SPRING1: variants seen among roughly 807,000 people sequenced by gnomAD.
The protein encoded by SPRING1 is SREBF pathway regulator in golgi 1, also known as SREBP regulating gene protein.
SPRING1 carries 14 observed loss-of-function variants against 24.7 expected under a neutral mutation model. That is an observed-to-expected ratio of 0.57 (90% CI 0.37 to 0.88). The LOEUF is 0.88. Among genes scored for constraint, SPRING1 ranks in the 40% least tolerant of loss-of-function variants. The pLI, the probability that SPRING1 is intolerant of heterozygous loss-of-function variation, is 0.00. For missense variants in SPRING1, 255 were observed against 268.4 expected (o/e 0.95, Z 0.35); for synonymous variants, 93 against 106.1 (o/e 0.88, Z 0.76).
At chr12:116,719,983 AGAG>A in intron 3 of SPRING1, 107 bp from the exon 4 acceptor site, 1 of 995,006 alleles carries the variant, frequency 1.0e-6, no homozygotes, top group Non-Finnish European at 1.5e-6. Context: ...GAAGGGGGGA[AGAG>A]GAGGAGAAAA....
chr12:116,736,268 T>C (rs71469776), intron 1 of SPRING1, among the ~76,000 whole-genome samples: 10,117 of 152,028 alleles, frequency 0.067, 575 homozygotes, highest in African/African-American at 0.15. Flanking sequence ...CTGAGTCAGA[T>C]AGAGAGGAAG....
At position 116,716,145 on chromosome 12, in the gene SPRING1, C is replaced by T. The variant is rs1020104858; in HGVS notation, c.*1665G>A. 2.6e-5 allele frequency: 4 copies of T among 152,082 alleles called. No individual in the cohort carries two copies. The East Asian group carries it at 5.8e-4, about 22-fold the overall frequency. The allele number at this position is 152,082 out of a possible 1,614,324, so 9.4% of individuals were successfully genotyped here. A position where few individuals can be genotyped will look rare whatever the true frequency, so the allele number is the denominator to read the frequency against. ...AGTCCTGCTGCAAACACATGGAATC[C>T]GAGAAGTCCAATGCAAACGGAATAG... On this transcript the variant is annotated 3_prime_UTR_variant, in exon 5 of 5. Transcript: ENST00000261318.
rs1870099245 is a variant in SPRING1 at position 116,715,763 on chromosome 12, C to G, written c.*2047G>C. 1.3e-5 allele frequency: 2 copies of G among 152,152 alleles called. No homozygotes were observed. The highest frequency in any genetic ancestry group is 2.4e-5 in the African/African-American group (1 of 41,414). 9.4% of individuals were successfully genotyped at this position (152,152 alleles called of 1,614,324 possible). On this transcript the variant is annotated 3_prime_UTR_variant, in exon 5 of 5. Transcript: ENST00000261318. The stretch of plus-strand genomic sequence containing the variant: ...CTGTCACTAAGTCTCAGCGGGGACC[C>G]AGGAAGTCACTCCACCTCTCATAGT...
intron 1 of SPRING1, among the ~76,000 whole-genome samples, chr12:116,731,115 T>C (rs1257246739): frequency 2.0e-5 from 3 of 152,240 alleles, no homozygotes; most frequent in Non-Finnish European, 4.4e-5. Context: ...AGGAAAGATA[T>C]GTACTTGGGG....
intron 2 of SPRING1, among the ~76,000 whole-genome samples, chr12:116,722,814 C>T (rs941916283): frequency 3.3e-5 from 5 of 152,164 alleles, no homozygotes; most frequent in African/African-American, 1.2e-4. Context: ...TGATGCGTGA[C>T]ACAGTGCTCA....
At position 116,720,997 on chromosome 12, in the gene SPRING1, T is replaced by C. The variant is rs576541548; in HGVS notation, c.269-550A>G. Among the ~76,000 whole-genome samples, 48 of 152,318 alleles carry C rather than the reference T, an allele frequency of 3.2e-4. No individual in the cohort carries two copies. Among genetic ancestry groups the C allele is most frequent in the African/African-American group, 1.1e-3 (45 of 41,576 alleles). On this transcript the variant is annotated intron_variant, in intron 2 of 4. Coordinates refer to ENST00000261318, the MANE Select transcript of SPRING1 (RefSeq NM_024738.4). This position sits in a 1 kb window ranked among gnomAD's most constrained non-coding sequence, Gnocchi z 4.0. ...TAACCCTTATAAACTGATTTATACG[T>C]GTACGTGCCACGGACTCAATCACCC...
In SPRING1 at chr12:116,719,870, G is replaced by A. The variant is rs1870334792; in HGVS notation, c.427C>T (p.Leu143Phe). The A allele has an allele frequency of 6.2e-7, 1 of 1,614,120 alleles. No homozygotes were observed. The highest frequency in any genetic ancestry group is 8.5e-7 in the Non-Finnish European group (1 of 1,179,982). The change falls in exon 4 of 5, where the codon CTC (leucine) becomes TTC (phenylalanine). Residue 143 changes from leucine to phenylalanine, a missense_variant. Physicochemically the swap from Leu to Phe is conservative, Grantham distance 22. Transcript: ENST00000261318. ...GCCCGGTTGAGGAAGCGCTCCAGGA[G>A]AAGTTGCTATGGAAACAAAAGTTAG... ...SCCLQPNKQL[L>F]LERFLNRAAV...
chr12:116,727,437 G>C (rs577323987), intron 1 of SPRING1, among the ~76,000 whole-genome samples: 1 of 152,194 alleles, frequency 6.6e-6, no homozygotes, highest in African/African-American at 2.4e-5. Flanking sequence ...GCGTTGCTTT[G>C]TGTCTCACTT....
chr12:116,717,707 G>T lies in SPRING1; in HGVS notation c.*103C>A. 1 of 1,069,296 alleles carries T rather than the reference G, an allele frequency of 9.4e-7. No homozygotes were observed. Among genetic ancestry groups the T allele is most frequent in the African/African-American group, 1.6e-5 (1 of 62,256 alleles). The allele number at this position is 1,069,296 out of a possible 1,614,324, so 66.2% of individuals were successfully genotyped here. A position where few individuals can be genotyped will look rare whatever the true frequency, so the allele number is the denominator to read the frequency against. On this transcript the variant is annotated 3_prime_UTR_variant, in exon 5 of 5. Coordinates refer to ENST00000261318, the MANE Select transcript of SPRING1 (RefSeq NM_024738.4). This position sits in a 1 kb window ranked among gnomAD's most constrained non-coding sequence, Gnocchi z 4.2. ...GCCAAGGTTTCCTCACGCTGCCTTTGTCTTCTTCCTGCAGCCTGGCCCGAT... is the reference window on the plus strand; with the variant it reads ...GCCAAGGTTTCCTCACGCTGCCTTTTTCTTCTTCCTGCAGCCTGGCCCGAT...
chr12:116,725,048 A>G (rs952651826), intron 1 of SPRING1, among the ~76,000 whole-genome samples: 3 of 152,240 alleles, frequency 2.0e-5, no homozygotes, highest in Admixed American at 2.0e-4. Flanking sequence ...AATTATGATA[A>G]TATGCACATA....
In SPRING1 at chr12:116,723,034, G is replaced by A. The variant is rs371364961; in HGVS notation, c.268+33C>T. 37 of 1,611,690 alleles carry A rather than the reference G, an allele frequency of 2.3e-5. No individual in the cohort carries two copies. In the African/African-American group the frequency reaches 4.8e-4, roughly 21 times the overall value. On this transcript the variant is annotated intron_variant, in intron 2 of 4. Transcript: ENST00000261318. ...AATGGCCCAACCAGCCTACGCTCCT[G>A]ACCGCCTGGAGAGGAAGGGAAGCCA...
chr12:116,731,026 C>A (rs572182303), intron 1 of SPRING1, among the ~76,000 whole-genome samples: 1 of 152,332 alleles, frequency 6.6e-6, no homozygotes, highest in South Asian at 2.1e-4. Flanking sequence ...AGCTCAATTG[C>A]CAAAGCTCTT....
chr12:116,719,723 C>T, intron 4 of SPRING1, 40 bp downstream of exon 4: 1 of 1,539,354 alleles, frequency 6.5e-7, no homozygotes, highest in Non-Finnish European at 9.0e-7. Context: ...TCTAACCCGT[C>T]AGCTGCCATC....
At chr12:116,732,812 T>C (rs1281553134) in intron 1 of SPRING1, among the ~76,000 whole-genome samples, 1 of 152,256 alleles carries the variant, frequency 6.6e-6, no homozygotes, top group Non-Finnish European at 1.5e-5. Context: ...AAATTGAGAA[T>C]GTGGGCTTTA....
chr12:116,722,334 T>C (rs925701377), intron 2 of SPRING1, among the ~76,000 whole-genome samples: 1 of 152,156 alleles, frequency 6.6e-6, no homozygotes, highest in African/African-American at 2.4e-5. Context: ...TTTCACTAGC[T>C]ATGATAAAAG....
chr12:116,726,491 T>A (rs1315318833), intron 1 of SPRING1, among the ~76,000 whole-genome samples: 1 of 152,150 alleles, frequency 6.6e-6, no homozygotes, highest in Non-Finnish European at 1.5e-5. Context: ...AAGAAAGAAC[T>A]GGTACTAGCA....
chr12:116,724,105 T>C (rs1870569423), intron 1 of SPRING1, among the ~76,000 whole-genome samples: 3 of 152,214 alleles, frequency 2.0e-5, no homozygotes, highest in Non-Finnish European at 4.4e-5. Context: ...AAAACAATGA[T>C]GGACTTGAAA....
intron 1 of SPRING1, among the ~76,000 whole-genome samples, chr12:116,726,277 C>A (rs1043593657): frequency 1.3e-5 from 2 of 152,158 alleles, no homozygotes; most frequent in African/African-American, 4.8e-5. Context: ...TAAAACAATT[C>A]TCTTGAATAA....
At chr12:116,734,324 G>C (rs1054181758) in intron 1 of SPRING1, among the ~76,000 whole-genome samples, 2 of 152,198 alleles carry the variant, frequency 1.3e-5, no homozygotes, top group East Asian at 1.9e-4. Flanking sequence ...AGGAGGAATA[G>C]GCTATGCCAC....
Sources: allele counts gnomAD v4.1 joint callset (sites outside exome capture counted in the v4.1 genomes callset), GRCh38; gene constraint gnomAD v4.1.1; non-coding constraint Gnocchi (gnomAD v3.1); transcripts MANE v1.5; gene names NCBI Gene and HGNC (gene_info 2026-07-23, HGNC 2026-07-21).